The following GRAMD4 variants were observed in gnomAD, a reference collection of about 807,000 sequenced individuals.
GRAMD4 encodes GRAM domain-containing protein 4.
GRAMD4 carries 25 observed loss-of-function variants against 83.9 expected under a neutral mutation model. That is an observed-to-expected ratio of 0.30 (90% CI 0.22 to 0.42). The LOEUF is 0.42. Among genes scored for constraint, GRAMD4 ranks in the 10% least tolerant of loss-of-function variants. GRAMD4 has a pLI of 1.00. For missense variants in GRAMD4, 593 were observed against 788.7 expected (o/e 0.75, Z 2.97); for synonymous variants, 336 against 320.9 (o/e 1.05, Z -0.50).
intron 1 of GRAMD4, among the ~76,000 whole-genome samples, chr22:46,610,008 A>T (rs1298834913): frequency 6.6e-6 from 1 of 152,046 alleles, no homozygotes; most frequent in African/African-American, 2.4e-5. Context: ...GGGACCTGGG[A>T]TGGTGGGGAG....
chr22:46,635,634 G>C (rs570792979), intron 2 of GRAMD4, among the ~76,000 whole-genome samples: 1 of 123,680 alleles, frequency 8.1e-6, no homozygotes, highest in African/African-American at 3.1e-5. Context: ...TCCTGTCCTG[G>C]GGGACCGTGT....
chr22:46,650,286 C>T (rs1225175417), intron 3 of GRAMD4, among the ~76,000 whole-genome samples: 2 of 151,942 alleles, frequency 1.3e-5, no homozygotes, highest in Non-Finnish European at 2.9e-5. Flanking sequence ...TTCCTTCCTC[C>T]CAGTAACTTC....
At chr22:46,625,064 G>C (rs2081635603) in intron 1 of GRAMD4, among the ~76,000 whole-genome samples, 1 of 151,908 alleles carries the variant, frequency 6.6e-6, no homozygotes, top group South Asian at 2.1e-4. Flanking sequence ...GTTTCACCGT[G>C]TCAGCCAAGA....
At chr22:46,653,196 C>T (rs1325973932) in intron 3 of GRAMD4, among the ~76,000 whole-genome samples, 10 of 152,224 alleles carry the variant, frequency 6.6e-5, no homozygotes, top group South Asian at 2.1e-4. Context: ...CCACGCTGTC[C>T]GAGGAGCCCT....
intron 1 of GRAMD4, among the ~76,000 whole-genome samples, chr22:46,580,059 A>G (rs2081082608): frequency 6.6e-6 from 1 of 152,220 alleles, no homozygotes; most frequent in South Asian, 2.1e-4. Context: ...TGGCCTCTTT[A>G]GGGGTAAGGA....
intron 1 of GRAMD4, among the ~76,000 whole-genome samples, chr22:46,603,726 C>T (rs1203297452): frequency 6.6e-6 from 1 of 151,468 alleles, no homozygotes; most frequent in Non-Finnish European, 1.5e-5. Flanking sequence ...ATGTGTTAGC[C>T]AGGATGGTCT....
intron 1 of GRAMD4, among the ~76,000 whole-genome samples, chr22:46,605,691 C>G (rs996442993): frequency 2.6e-5 from 4 of 152,248 alleles, no homozygotes; most frequent in African/African-American, 9.6e-5. Context: ...TGCATTTCCC[C>G]CAGTGACGAC....
In GRAMD4 at chr22:46,668,585, G is replaced by A. The variant is rs866578072; in HGVS notation, c.931-104G>A. The A allele has an allele frequency of 1.0e-4, 109 of 1,056,058 alleles. 2 individuals are homozygous for A. In the Middle Eastern group the frequency reaches 6.8e-3, roughly 66 times the overall value. The allele number at this position is 1,056,058 out of a possible 1,614,324, so 65.4% of individuals were successfully genotyped here. A position where few individuals can be genotyped will look rare whatever the true frequency, so the allele number is the denominator to read the frequency against. On this transcript the variant is annotated intron_variant, in intron 11 of 18. Coordinates refer to ENST00000406902, the MANE Select transcript of GRAMD4 (RefSeq NM_015124.5). ...CAGCCGGGCAGGACCACAGGGCTCCGAGTGACCTCAGGGCTGCCCGACCTG... is the reference window on the plus strand; with the variant it reads ...CAGCCGGGCAGGACCACAGGGCTCCAAGTGACCTCAGGGCTGCCCGACCTG...
Position 46,678,821 on chromosome 22 carries a change from C to T in GRAMD4, c.*1570C>T, listed in dbSNP as rs562751417. The T allele has an allele frequency of 1.1e-5, 11 of 986,232 alleles. No individual in the cohort carries two copies. The East Asian group carries it at 4.5e-4, about 41-fold the overall frequency. 61.1% of individuals were successfully genotyped at this position (986,232 alleles called of 1,614,324 possible). On this transcript the variant is annotated 3_prime_UTR_variant, in exon 19 of 19. Transcript: ENST00000406902. The stretch of plus-strand genomic sequence containing the variant: ...GGGCCGCAGAGTCACACGCTGGTGC[C>T]GGGGGTGCTTTGGGGGGAGCTGCGC...
intron 9 of GRAMD4, 108 bp downstream of exon 9, chr22:46,665,814 G>A (rs939401267): frequency 2.3e-5 from 15 of 658,236 alleles, no homozygotes; most frequent in Admixed American, 4.3e-5. Context: ...ATGCACTGAC[G>A]TTTTGGGGGT....
At chr22:46,669,314 A>C (rs1208084259) in intron 13 of GRAMD4, among the ~76,000 whole-genome samples, 2 of 152,010 alleles carry the variant, frequency 1.3e-5, no homozygotes, top group Non-Finnish European at 2.9e-5. Flanking sequence ...GTAGCTGATG[A>C]GTTTGGTGAC....
chr22:46,577,238 CGA>C, exon 1 of GRAMD4: 1 of 973,096 alleles, frequency 1.0e-6, no homozygotes, highest in Non-Finnish European at 1.2e-6. Flanking sequence ...GGGCGGCCGG[CGA>C]GGGGGGCGCC....
At chr22:46,648,046 G>A (rs994822598) in intron 3 of GRAMD4, among the ~76,000 whole-genome samples, 3 of 152,242 alleles carry the variant, frequency 2.0e-5, no homozygotes, top group Non-Finnish European at 4.4e-5. Context: ...GATGCTCAGC[G>A]CACAACTTTA....
intron 1 of GRAMD4, among the ~76,000 whole-genome samples, chr22:46,579,601 G>A (rs544318023): frequency 2.0e-5 from 3 of 152,296 alleles, no homozygotes; most frequent in Admixed American, 2.0e-4. Flanking sequence ...GGAGAACCTG[G>A]GGCCCCGATA....
At chr22:46,618,426 C>T (rs1013127540), upstream of GRAMD4, among the ~76,000 whole-genome samples, 6 of 152,198 alleles carry the variant, frequency 3.9e-5, no homozygotes, top group East Asian at 1.9e-4. The surrounding 1 kb of genome is among the most constrained non-coding windows in gnomAD (Gnocchi z 5.8). Context: ...AAATGAGCGA[C>T]GTCCCGGAGC....
At chr22:46,673,526 A>T in intron 14 of GRAMD4, 144 bp from the exon 15 acceptor site, 1 of 1,008,678 alleles carries the variant, frequency 9.9e-7, no homozygotes, top group Non-Finnish European at 1.5e-6. Context: ...TGGAAGAAGG[A>T]GCCGCTCTGG....
At chr22:46,610,418 G>A (rs1207511490) in intron 1 of GRAMD4, among the ~76,000 whole-genome samples, 1 of 152,214 alleles carries the variant, frequency 6.6e-6, no homozygotes, top group Non-Finnish European at 1.5e-5. Context: ...TGCCTGTTTT[G>A]TAAATGGTGT....
At chr22:46,576,833 G>C (rs749346249), upstream of GRAMD4, among the ~76,000 whole-genome samples, 2 of 147,806 alleles carry the variant, frequency 1.4e-5, no homozygotes, top group Non-Finnish European at 3.0e-5. Context: ...CAAGCGCGCG[G>C]ACGGCGTGGC....
At chr22:46,611,612 C>T (rs138513) in intron 1 of GRAMD4, among the ~76,000 whole-genome samples, 121,078 of 151,964 alleles carry the variant, frequency 0.8, 48,944 homozygotes, top group East Asian at 1. Context: ...TTGTACACTC[C>T]GAGAAAGGCT....
Sources: allele counts gnomAD v4.1 joint callset (sites outside exome capture counted in the v4.1 genomes callset), GRCh38; gene constraint gnomAD v4.1.1; non-coding constraint Gnocchi (gnomAD v3.1); transcripts MANE v1.5; gene names NCBI Gene and HGNC (gene_info 2026-07-23, HGNC 2026-07-21).